Variants in FAM168A observed in about 807,000 individuals in gnomAD.
FAM168A encodes the protein protein FAM168A.
A neutral mutation model predicts 28.5 loss-of-function variants in FAM168A; 3 were observed. That is an observed-to-expected ratio of 0.11 (90% CI 0.05 to 0.27). The LOEUF is 0.27. Ranked by LOEUF, FAM168A falls within the 10% of genes least tolerant of loss-of-function variation. FAM168A has a pLI of 1.00. For missense variants in FAM168A, 222 were observed against 311.5 expected (o/e 0.71, Z 2.16); for synonymous variants, 122 against 124.2 (o/e 0.98, Z 0.12).
In FAM168A at chr11:73,400,939, A is replaced by AAAAC. The variant is rs1866393813; in HGVS notation, c.*5820_*5823dup. On this transcript the variant is annotated 3_prime_UTR_variant, in exon 8 of 8. Transcript: ENST00000356467. The stretch of plus-strand genomic sequence containing the variant: ...ACAAAACAAAAACCCAAAAGAATCC[A>AAAAC]AAACAACAAAACAAAACCAGATTTA... The AAAAC allele has an allele frequency of 3.3e-5, 5 of 152,128 alleles. No homozygotes were observed. The allele number at this position is 152,128 out of a possible 1,614,324, so 9.4% of individuals were successfully genotyped here. A position where few individuals can be genotyped will look rare whatever the true frequency, so the allele number is the denominator to read the frequency against.
intron 3 of FAM168A, among the ~76,000 whole-genome samples, chr11:73,428,067 T>A (rs1345460984): frequency 1.3e-5 from 2 of 152,202 alleles, no homozygotes; most frequent in Non-Finnish European, 2.9e-5. Context: ...TCTAAGCACA[T>A]CTATCTGTGA....
chr11:73,546,785 C>T (rs1343777708), intron 1 of FAM168A, among the ~76,000 whole-genome samples: 3 of 149,994 alleles, frequency 2.0e-5, no homozygotes, highest in Admixed American at 2.0e-4. Context: ...GGTAATGGAA[C>T]TGTTCTATAT....
In FAM168A at chr11:73,526,052, T is replaced by C. The variant is rs190789124; in HGVS notation, c.-18-57560A>G. 4.6e-5 allele frequency among the ~76,000 whole-genome samples: 7 copies of C among 152,300 alleles called. No individual in the cohort carries two copies. The East Asian group carries it at 1.2e-3, about 25-fold the overall frequency. On this transcript the variant is annotated intron_variant, in intron 1 of 7. Transcript: ENST00000356467. Reference sequence around the variant, plus strand: ...GTTAGCCTAGTATAAAGGACTATTTTCTTTGGTGCTCTAGGGATGCACAAA... The same window carrying C: ...GTTAGCCTAGTATAAAGGACTATTTCCTTTGGTGCTCTAGGGATGCACAAA...
intron 1 of FAM168A, among the ~76,000 whole-genome samples, chr11:73,517,264 T>C (rs145996939): frequency 5.6e-4 from 85 of 152,270 alleles, no homozygotes; most frequent in African/African-American, 1.9e-3. Flanking sequence ...ACACTGGTCT[T>C]AAATGATCCT....
At chr11:73,594,781 G>C (rs907333278) in intron 1 of FAM168A, among the ~76,000 whole-genome samples, 1 of 151,918 alleles carries the variant, frequency 6.6e-6, no homozygotes, top group Non-Finnish European at 1.5e-5. Context: ...CACCCACCTC[G>C]GCCTCCCAAA....
intron 1 of FAM168A, among the ~76,000 whole-genome samples, chr11:73,487,882 C>T (rs993090983): frequency 4.6e-5 from 7 of 152,116 alleles, no homozygotes; most frequent in Admixed American, 3.9e-4. Context: ...TCACCCTCCT[C>T]GTACCCTCAC....
chr11:73,448,886 T>C (rs1489411137), intron 2 of FAM168A, among the ~76,000 whole-genome samples: 1 of 152,202 alleles, frequency 6.6e-6, no homozygotes, highest in Non-Finnish European at 1.5e-5. Context: ...TCTTTTTATG[T>C]AAGAAAAATA....
intron 2 of FAM168A, among the ~76,000 whole-genome samples, chr11:73,460,387 T>C (rs1280336404): frequency 2.0e-5 from 3 of 152,108 alleles, no homozygotes; most frequent in Non-Finnish European, 2.9e-5. Context: ...TTTATTTCTT[T>C]CTTCTCCCCC....
At chr11:73,517,126 T>G (rs1157672962) in intron 1 of FAM168A, among the ~76,000 whole-genome samples, 1 of 152,196 alleles carries the variant, frequency 6.6e-6, no homozygotes, top group Non-Finnish European at 1.5e-5. Context: ...CACAGCTCAC[T>G]ATAACTTCGA....
chr11:73,439,879 C>CTTTTTTTT (rs761818483), intron 2 of FAM168A, among the ~76,000 whole-genome samples: 14 of 97,036 alleles, frequency 1.4e-4, no homozygotes, highest in Non-Finnish European at 2.2e-4. Flanking sequence ...TCTCAGGTCA[C>CTTTTTTTT]TTTTTTTTTT....
At chr11:73,552,023 T>C (rs1943835385) in intron 1 of FAM168A, among the ~76,000 whole-genome samples, 1 of 152,196 alleles carries the variant, frequency 6.6e-6, no homozygotes, top group Admixed American at 6.5e-5. Flanking sequence ...TTTAAGAAAA[T>C]ATCTTTCAGT....
rs1046318280 is a variant in FAM168A at position 73,409,479 on chromosome 11, G to T, written c.595+8C>A. ...AGGGATGGACACTGATGCAGATGCT[G>T]CCCTCACCTGCTGACATTGCCATGG... On this transcript the variant is annotated splice_region_variant and intron_variant, in intron 6 of 7. Transcript: ENST00000356467. 11 of 1,613,358 alleles carry T rather than the reference G, an allele frequency of 6.8e-6. No individual in the cohort carries two copies. Among genetic ancestry groups the T allele is most frequent in the Non-Finnish European group, 6.8e-6 (8 of 1,179,766 alleles).
intron 1 of FAM168A, among the ~76,000 whole-genome samples, chr11:73,507,147 CT>C (rs1855131751): frequency 6.6e-6 from 1 of 152,160 alleles, no homozygotes; most frequent in Non-Finnish European, 1.5e-5. Context: ...CAGTTAGAGA[CT>C]TTTGTTTTTT....
At position 73,479,358 on chromosome 11, in the gene FAM168A, T is replaced by C. The variant is rs1195019916; in HGVS notation, c.-18-10866A>G. 3.3e-5 allele frequency among the ~76,000 whole-genome samples: 5 copies of C among 152,178 alleles called. No homozygotes were observed. The East Asian group carries it at 9.7e-4, about 29-fold the overall frequency. On this transcript the variant is annotated intron_variant, in intron 1 of 7. Transcript: ENST00000356467. ...TGTAGCTGAACCTAATCCTATTTAA[T>C]TGGGAGGATAATACAGGTTTCAAAA...
intron 4 of FAM168A, among the ~76,000 whole-genome samples, chr11:73,412,808 G>A (rs752586479): frequency 6.6e-6 from 1 of 152,102 alleles, no homozygotes; most frequent in African/African-American, 2.4e-5. Context: ...ACCTCTCTGG[G>A]CTTCAGCTCT....
At chr11:73,451,855 A>T (rs774799086) in intron 2 of FAM168A, among the ~76,000 whole-genome samples, 1 of 152,254 alleles carries the variant, frequency 6.6e-6, no homozygotes, top group East Asian at 1.9e-4. Context: ...CATGAGTGTA[A>T]GTTAACTATG....
intron 1 of FAM168A, among the ~76,000 whole-genome samples, chr11:73,544,843 T>C (rs1244367325): frequency 1.0e-5 from 1 of 98,094 alleles, no homozygotes; most frequent in Non-Finnish European, 1.8e-5. Flanking sequence ...ATAATATATA[T>C]TAAATATATA....
At chr11:73,453,879 C>T (rs1867478331) in intron 2 of FAM168A, among the ~76,000 whole-genome samples, 1 of 152,204 alleles carries the variant, frequency 6.6e-6, no homozygotes, top group African/African-American at 2.4e-5. Context: ...ATTATATCAC[C>T]ATTGATTAAG....
At chr11:73,496,556 T>TTGG (rs1565270732) in intron 1 of FAM168A, among the ~76,000 whole-genome samples, 3 of 152,128 alleles carry the variant, frequency 2.0e-5, no homozygotes, top group African/African-American at 7.2e-5. Context: ...TGTTTGTTTG[T>TTGG]TTGGTTGGTT....
Sources: allele counts gnomAD v4.1 joint callset (sites outside exome capture counted in the v4.1 genomes callset), GRCh38; gene constraint gnomAD v4.1.1; transcripts MANE v1.5; gene names NCBI Gene and HGNC (gene_info 2026-07-23, HGNC 2026-07-21).